SMYD1: variants seen among roughly 807,000 people sequenced by gnomAD.
SMYD1 encodes the protein SET and MYND domain containing 1, also known as histone-lysine N-methyltransferase SMYD1.
In SMYD1, 49 loss-of-function variants were observed where a neutral mutation model predicts 54.0. The ratio of observed to expected loss-of-function variants is 0.91; its 90% CI spans 0.72 to 1.15. The LOEUF (loss-of-function observed/expected upper bound fraction) is 1.15, where lower values mean the gene tolerates loss of function less well. SMYD1 is among the 50% of genes most tolerant of loss of function. The probability of loss-of-function intolerance (pLI) is 0.00; values close to 1 mark genes in which losing one functional copy is unlikely to be tolerated. For missense variants in SMYD1, 653 were observed against 639.6 expected, an observed-to-expected ratio of 1.02 and a Z score of -0.23; for synonymous variants, 269 against 234.2, an observed-to-expected ratio of 1.15 and a Z score of -1.36.
intron 8 of SMYD1, among the ~76,000 whole-genome samples, chr2:88,108,069 T>C (rs1186518117): frequency 6.6e-6 from 1 of 152,262 alleles, no homozygotes; most frequent in African/African-American, 2.4e-5. Context: ...CTGTTCCTAT[T>C]CGGCCATCTT....
At chr2:88,101,261 C>T (rs188864964) in intron 6 of SMYD1, among the ~76,000 whole-genome samples, 30 of 152,308 alleles carry the variant, frequency 2.0e-4, no homozygotes, top group African/African-American at 2.6e-4. Flanking sequence ...AACCGCAAAT[C>T]GAAAGGAAGC....
intron 3 of SMYD1, 126 bp downstream of exon 3, chr2:88,088,201 C>A (rs1000851517): frequency 9.2e-7 from 1 of 1,091,948 alleles, no homozygotes; most frequent in Non-Finnish European, 1.3e-6. Flanking sequence ...TGCCCTGGAC[C>A]CTGATTTCTA....
At chr2:88,073,356 T>A (rs1425552469) in intron 1 of SMYD1, among the ~76,000 whole-genome samples, 2 of 152,208 alleles carry the variant, frequency 1.3e-5, no homozygotes, top group Non-Finnish European at 2.9e-5. Flanking sequence ...CTGTGGATAG[T>A]GCTGTGATAA....
intron 6 of SMYD1, among the ~76,000 whole-genome samples, chr2:88,097,926 C>G (rs562157783): frequency 6.6e-6 from 1 of 152,100 alleles, no homozygotes; most frequent in African/African-American, 2.4e-5. Flanking sequence ...CCCTCCCAGG[C>G]AGAGACAAAG....
intron 2 of SMYD1, among the ~76,000 whole-genome samples, chr2:88,085,621 G>A (rs1674307425): frequency 6.6e-6 from 1 of 152,178 alleles, no homozygotes; most frequent in Admixed American, 6.5e-5. Flanking sequence ...TTCAAGACCT[G>A]AAGTAAATGG....
At chr2:88,074,384 T>C (rs1014202965) in intron 1 of SMYD1, among the ~76,000 whole-genome samples, 68 of 152,374 alleles carry the variant, frequency 4.5e-4, no homozygotes, top group African/African-American at 1.5e-3. Flanking sequence ...TGTTCCCTGC[T>C]GACCTCCTGC....
chr2:88,071,081 T>C (rs1010210252), intron 1 of SMYD1, among the ~76,000 whole-genome samples: 1 of 152,224 alleles, frequency 6.6e-6, no homozygotes, highest in Admixed American at 6.5e-5. Flanking sequence ...ATGCCACTTG[T>C]TTCTTTCAAT....
chr2:88,097,370 G>C (rs1674616992), intron 6 of SMYD1, among the ~76,000 whole-genome samples: 1 of 152,134 alleles, frequency 6.6e-6, no homozygotes, highest in Non-Finnish European at 1.5e-5. Flanking sequence ...GAACCCAGCT[G>C]AGCTGGGAGA....
chr2:88,103,206 C>A, intron 7 of SMYD1, 56 bp downstream of exon 7: 2 of 1,496,256 alleles, frequency 1.3e-6, no homozygotes, highest in South Asian at 1.1e-5. Flanking sequence ...GAAACATTCT[C>A]CAGTAAGGGA....
intron 7 of SMYD1, among the ~76,000 whole-genome samples, 165 bp downstream of exon 7, chr2:88,103,315 C>T (rs1023475309): frequency 3.3e-5 from 5 of 152,056 alleles, no homozygotes; most frequent in South Asian, 2.1e-4. Flanking sequence ...TCTTCTTGTC[C>T]GTAAATCTTT....
intron 2 of SMYD1, 137 bp from the exon 3 acceptor site, chr2:88,087,725 G>T: frequency 1.3e-6 from 1 of 747,402 alleles, no homozygotes; most frequent in Non-Finnish European, 2.2e-6. Context: ...CATCATGATA[G>T]AATAAATTCC....
intron 1 of SMYD1, among the ~76,000 whole-genome samples, chr2:88,081,286 C>T (rs1260290139): frequency 6.6e-6 from 1 of 151,878 alleles, no homozygotes; most frequent in Non-Finnish European, 1.5e-5. Context: ...TATTTTTTAA[C>T]ACTTGTTGTA....
chr2:88,086,085 C>T (rs1417938557), intron 2 of SMYD1, among the ~76,000 whole-genome samples: 2 of 152,182 alleles, frequency 1.3e-5, no homozygotes, highest in Non-Finnish European at 1.5e-5. Flanking sequence ...TAATTAAACA[C>T]ACATACACAT....
At chr2:88,079,138 G>C (rs1340576685) in intron 1 of SMYD1, among the ~76,000 whole-genome samples, 1 of 152,198 alleles carries the variant, frequency 6.6e-6, no homozygotes, top group African/African-American at 2.4e-5. Flanking sequence ...TCCAAGGCTT[G>C]ATAAAATGAT....
At position 88,111,336 on chromosome 2, in the gene SMYD1, T is replaced by C. The variant is rs1675018017; in HGVS notation, c.*824T>C. 1 of 152,248 alleles carries C rather than the reference T, an allele frequency of 6.6e-6. No homozygotes were observed. The highest frequency in any genetic ancestry group is 1.5e-5 in the Non-Finnish European group (1 of 68,044). 9.4% of individuals were successfully genotyped at this position (152,248 alleles called of 1,614,324 possible). A position where few individuals can be genotyped will look rare whatever the true frequency, so the allele number is the denominator to read the frequency against. ...TGGTTCCCTGTGATTTTAGATAATG[T>C]CTGATATTTTTCTGGCTATTTGCCT... is the stretch of plus-strand genomic sequence containing the variant. On this transcript the variant is annotated 3_prime_UTR_variant, in exon 10 of 10. Transcript: ENST00000419482.
intron 1 of SMYD1, among the ~76,000 whole-genome samples, chr2:88,074,820 C>T (rs935230175): frequency 6.6e-6 from 1 of 152,154 alleles, no homozygotes. Context: ...TACTGTCAAC[C>T]AGGCTTTTTT....
In SMYD1 at chr2:88,103,041, G is replaced by A. The variant is rs894197; in HGVS notation, c.889-17G>A. The A allele has an allele frequency of 0.11, 172,698 of 1,610,354 alleles. 10,043 individuals are homozygous for A. Among genetic ancestry groups the A allele is most frequent in the African/African-American group, 0.16 (12,283 of 74,902 alleles). On this transcript the variant is annotated splice_polypyrimidine_tract_variant and intron_variant, in intron 6 of 9. Coordinates refer to ENST00000419482, the MANE Select transcript of SMYD1 (RefSeq NM_198274.4). ...CTCATGAAGGCATCTCTAGCTCAAT[G>A]TGTCTCTCTTTCCCAGCCCTCTCAG...
chr2:88,071,841 C>T (rs1187278674), intron 1 of SMYD1, among the ~76,000 whole-genome samples: 1 of 152,010 alleles, frequency 6.6e-6, no homozygotes, highest in Non-Finnish European at 1.5e-5. Flanking sequence ...CTGAGAGTTT[C>T]CAGTTCTCAG....
At chr2:88,108,290 G>A in intron 8 of SMYD1, 81 bp from the exon 9 acceptor site, 1 of 1,351,160 alleles carries the variant, frequency 7.4e-7, no homozygotes, top group Non-Finnish European at 9.8e-7. Flanking sequence ...TAATCAACAA[G>A]GGCACTTTAT....
Sources: gnomAD v4.1 joint callset for allele counts (sites outside exome capture counted in the v4.1 genomes callset) on GRCh38, gnomAD v4.1.1 for gene constraint, MANE v1.5 for transcripts, NCBI Gene and HGNC (gene_info 2026-07-23, HGNC 2026-07-21) for gene names.